Variants in BNC2 observed in about 807,000 individuals in gnomAD.
BNC2 encodes the protein zinc finger protein basonuclin-2.
BNC2 carries 20 observed loss-of-function variants against 76.3 expected under a neutral mutation model. The observed-to-expected ratio is 0.26, with a 90% CI of 0.18 to 0.38. The LOEUF is 0.38. BNC2 is among the 10% of genes least tolerant of loss of function. The pLI, the probability that BNC2 is intolerant of heterozygous loss-of-function variation, is 1.00. For missense variants in BNC2, 1,382 were observed against 1,399.8 expected (o/e 0.99, Z 0.20); for synonymous variants, 582 against 514.8 (o/e 1.13, Z -1.77).
chr9:16,525,582 T>C (rs754537367), intron 5 of BNC2, among the ~76,000 whole-genome samples: 1 of 152,072 alleles, frequency 6.6e-6, no homozygotes, highest in Non-Finnish European at 1.5e-5. Context: ...ATACCAAAGA[T>C]CAAAAATATG....
At chr9:16,464,630 C>G (rs1176313138) in intron 5 of BNC2, among the ~76,000 whole-genome samples, 1 of 152,018 alleles carries the variant, frequency 6.6e-6, no homozygotes, top group East Asian at 1.9e-4. Flanking sequence ...TTTGAAAGAA[C>G]AGTCTTTAAT....
At chr9:16,813,438 T>G (rs905581566) in intron 1 of BNC2, among the ~76,000 whole-genome samples, 1 of 151,844 alleles carries the variant, frequency 6.6e-6, no homozygotes, top group Non-Finnish European at 1.5e-5. Flanking sequence ...GCTAATTTTT[T>G]GTATTTTTAG....
chr9:16,583,115 G>T, intron 3 of BNC2, 30 bp from the exon 4 acceptor site: 1 of 1,560,386 alleles, frequency 6.4e-7, no homozygotes, highest in Non-Finnish European at 8.8e-7. Context: ...AAAAAGGTCA[G>T]CATCTGTTCA....
intron 2 of BNC2, among the ~76,000 whole-genome samples, chr9:16,735,126 G>T (rs961549798): frequency 6.6e-6 from 1 of 152,136 alleles, no homozygotes; most frequent in Non-Finnish European, 1.5e-5. Context: ...GGTAGATGAG[G>T]TAGTTTACAA....
At chr9:16,503,341 C>T (rs372868160) in intron 5 of BNC2, among the ~76,000 whole-genome samples, 12 of 152,230 alleles carry the variant, frequency 7.9e-5, no homozygotes, top group East Asian at 5.8e-4. Flanking sequence ...CACTATACCA[C>T]GGATGTGCAG....
At chr9:16,751,898 G>A (rs915015776) in intron 1 of BNC2, among the ~76,000 whole-genome samples, 9 of 151,726 alleles carry the variant, frequency 5.9e-5, no homozygotes, top group Non-Finnish European at 1.3e-4. Context: ...GCATGGTGGC[G>A]GGCGCCTGTA....
chr9:16,805,892 A>C (rs1817897832), intron 1 of BNC2, among the ~76,000 whole-genome samples: 1 of 152,182 alleles, frequency 6.6e-6, no homozygotes, highest in African/African-American at 2.4e-5. Flanking sequence ...GATATATTTT[A>C]CCTATATTGG....
At chr9:16,692,878 C>T (rs762488393) in intron 3 of BNC2, among the ~76,000 whole-genome samples, 2 of 151,960 alleles carry the variant, frequency 1.3e-5, no homozygotes, top group Non-Finnish European at 2.9e-5. Flanking sequence ...GCCTGTAATT[C>T]CAGCACTTTG....
chr9:16,454,337 CTG>C, intron 5 of BNC2, among the ~76,000 whole-genome samples: 1 of 124,342 alleles, frequency 8.0e-6, no homozygotes. Context: ...GGGTCTCACT[CTG>C]TTGCCCAGGC....
chr9:16,787,394 T>C (rs912296726), intron 1 of BNC2, among the ~76,000 whole-genome samples: 1 of 152,204 alleles, frequency 6.6e-6, no homozygotes, highest in African/African-American at 2.4e-5. Context: ...CAGCATGATG[T>C]GCATGAAAGA....
chr9:16,814,960 A>C (rs377030896), intron 1 of BNC2, among the ~76,000 whole-genome samples: 16 of 152,174 alleles, frequency 1.1e-4, no homozygotes, highest in East Asian at 7.7e-4. Flanking sequence ...ATTATCTCTA[A>C]CTTGCCACCC....
At chr9:16,621,422 G>T (rs2133589985) in intron 3 of BNC2, among the ~76,000 whole-genome samples, 1 of 152,260 alleles carries the variant, frequency 6.6e-6, no homozygotes, top group Non-Finnish European at 1.5e-5. Context: ...AAGGAAAAAA[G>T]TCTACAAGTA....
chr9:16,447,548 T>C (rs926615039), intron 5 of BNC2, among the ~76,000 whole-genome samples: 12 of 152,126 alleles, frequency 7.9e-5, no homozygotes, highest in Non-Finnish European at 8.8e-5. Flanking sequence ...AAAGTTCCTG[T>C]ATTATCGTAT....
At chr9:16,684,768 T>C (rs1439913797) in intron 3 of BNC2, among the ~76,000 whole-genome samples, 1 of 152,156 alleles carries the variant, frequency 6.6e-6, no homozygotes. Flanking sequence ...TTAAATATTA[T>C]TATGTACATA....
chr9:16,820,805 GA>G (rs753728302), intron 1 of BNC2, among the ~76,000 whole-genome samples: 2,338 of 136,936 alleles, frequency 0.017, 28 homozygotes, highest in Middle Eastern at 0.029. Flanking sequence ...TGTATAAAGG[GA>G]AAAAAAAAAA....
intron 3 of BNC2, among the ~76,000 whole-genome samples, chr9:16,585,348 T>C (rs1254706580): frequency 1.3e-5 from 2 of 152,174 alleles, no homozygotes; most frequent in African/African-American, 2.4e-5. Flanking sequence ...TTTTAGATCA[T>C]TATTCCTTTT....
chr9:16,870,484 G>A (rs1165497059), intron 1 of BNC2, among the ~76,000 whole-genome samples, 162 bp downstream of exon 1: 1 of 152,100 alleles, frequency 6.6e-6, no homozygotes, highest in Middle Eastern at 3.4e-3. Context: ...AGGTCGGACC[G>A]GGGTTCTGGT....
chr9:16,684,630 A>G (rs955028047), intron 3 of BNC2, among the ~76,000 whole-genome samples: 1 of 152,092 alleles, frequency 6.6e-6, no homozygotes, highest in Non-Finnish European at 1.5e-5. Flanking sequence ...CTCATCTTAT[A>G]AGCCTGAAAA....
intron 1 of BNC2, among the ~76,000 whole-genome samples, chr9:16,798,419 C>T (rs1458601783): frequency 6.6e-6 from 1 of 152,092 alleles, no homozygotes; most frequent in Non-Finnish European, 1.5e-5. Context: ...TTTCACATAT[C>T]CCCACAACTA....
Sources: allele counts gnomAD v4.1 joint callset (sites outside exome capture counted in the v4.1 genomes callset), GRCh38; gene constraint gnomAD v4.1.1; transcripts MANE v1.5; gene names NCBI Gene and HGNC (gene_info 2026-07-23, HGNC 2026-07-21).